Variants in MKRN1 observed in about 807,000 individuals in gnomAD.
MKRN1 encodes the protein makorin ring finger protein 1, also known as E3 ubiquitin-protein ligase makorin-1.
In MKRN1, 9 loss-of-function variants were observed where a neutral mutation model predicts 55.5. The observed-to-expected ratio is 0.16, with a 90% CI of 0.10 to 0.28. MKRN1 has a LOEUF of 0.28. Among genes scored for constraint, MKRN1 ranks in the 10% least tolerant of loss-of-function variants. The pLI, the probability that MKRN1 is intolerant of heterozygous loss-of-function variation, is 1.00. For missense variants in MKRN1, 488 were observed against 626.7 expected, an observed-to-expected ratio of 0.78 and a Z score of 2.36; for synonymous variants, 253 against 235.9, an observed-to-expected ratio of 1.07 and a Z score of -0.66.
intron 5 of MKRN1, chr7:140,456,377 C>T: frequency 2.3e-6 from 3 of 1,297,588 alleles, no homozygotes; most frequent in Non-Finnish European, 2.9e-6. Flanking sequence ...GTTCACTGAG[C>T]CTAAACTGGC....
At chr7:140,469,301 G>C (rs1266751960) in intron 2 of MKRN1, among the ~76,000 whole-genome samples, 1 of 151,798 alleles carries the variant, frequency 6.6e-6, no homozygotes, top group Non-Finnish European at 1.5e-5. Flanking sequence ...ACTCCAGCCT[G>C]GGTGACAGCG....
intron 1 of MKRN1, among the ~76,000 whole-genome samples, chr7:140,474,060 AG>A (rs1399809705): frequency 7.1e-6 from 1 of 140,156 alleles, no homozygotes; most frequent in Non-Finnish European, 1.5e-5. Flanking sequence ...AAAGAAAGAA[AG>A]AAAGAATAAA....
At chr7:140,479,105 G>A (rs1238690216) in intron 1 of MKRN1, 55 bp downstream of exon 1, 7 of 1,282,234 alleles carry the variant, frequency 5.5e-6, no homozygotes, top group Non-Finnish European at 6.9e-6. Context: ...CCGCGCCGCA[G>A]GCTTGGCCCG....
In MKRN1 at chr7:140,459,190, G is replaced by A. The variant is rs1464227654; in HGVS notation, c.588C>T (p.Thr196=). Residue 196 remains threonine, a synonymous_variant, in exon 4 of 8, where the codon ACC becomes ACT. Transcript: ENST00000255977. ...TTTGCTCTTTCTCTGATTCTTCCTTGGTCACTGAGCCCTGCAGGGGTGCTT... is the reference window on the plus strand; with the variant it reads ...TTTGCTCTTTCTCTGATTCTTCCTTAGTCACTGAGCCCTGCAGGGGTGCTT... ...CTEAPLQGSV[T]KEESEKEQTA... 6.2e-7 allele frequency: 1 copy of A among 1,613,778 alleles called. No individual in the cohort carries two copies. The highest frequency in any genetic ancestry group is 1.7e-5 in the Admixed American group (1 of 59,976).
intron 2 of MKRN1, among the ~76,000 whole-genome samples, chr7:140,466,736 G>A (rs1052382367): frequency 3.3e-5 from 5 of 151,164 alleles, no homozygotes; most frequent in East Asian, 2.0e-4. Flanking sequence ...CGTGGGAAGC[G>A]GAGCTTGCAG....
intron 2 of MKRN1, among the ~76,000 whole-genome samples, chr7:140,461,069 C>G (rs1271681488): frequency 1.3e-5 from 2 of 152,234 alleles, no homozygotes. Context: ...AGAAACCCTG[C>G]AGGCAAAACT....
intron 3 of MKRN1, 100 bp from the exon 4 acceptor site, chr7:140,459,333 T>C (rs920382248): frequency 2.8e-5 from 33 of 1,175,114 alleles, no homozygotes; most frequent in Non-Finnish European, 3.9e-5. Context: ...AAAACTGCAA[T>C]GAAATACCAA....
chr7:140,473,110 A>G (rs1039808117), intron 1 of MKRN1: 1 of 347,168 alleles, frequency 2.9e-6, no homozygotes, highest in Non-Finnish European at 5.5e-6. Context: ...AAGAAAAAGA[A>G]AAAGAAAAAG....
At chr7:140,473,436 C>CCTA (rs1428033620) in intron 1 of MKRN1, 1 of 286,504 alleles carries the variant, frequency 3.5e-6, no homozygotes, top group African/African-American at 2.3e-5. Flanking sequence ...GCCAAGTTAC[C>CCTA]CTGTAAGGGT....
chr7:140,472,703 T>C (rs900522670), intron 1 of MKRN1, among the ~76,000 whole-genome samples: 18 of 151,548 alleles, frequency 1.2e-4, no homozygotes, highest in African/African-American at 4.4e-4. Context: ...TTTTGCATTG[T>C]TACAACGAAC....
chr7:140,463,053 A>G (rs994227268), intron 2 of MKRN1, among the ~76,000 whole-genome samples: 1 of 152,278 alleles, frequency 6.6e-6, no homozygotes, highest in Non-Finnish European at 1.5e-5. Context: ...TGAGGTCAGG[A>G]GTTCGAGACC....
chr7:140,466,712 G>A (rs1387171030), intron 2 of MKRN1, among the ~76,000 whole-genome samples: 3 of 151,174 alleles, frequency 2.0e-5, no homozygotes, highest in Admixed American at 1.3e-4. Context: ...GCTGAGGCAG[G>A]AGAATGGCGT....
intron 1 of MKRN1, among the ~76,000 whole-genome samples, chr7:140,476,834 C>T (rs990065968): frequency 6.6e-6 from 1 of 151,978 alleles, no homozygotes. Flanking sequence ...AATCCCAGCA[C>T]TTTGGGAGGC....
In MKRN1 at chr7:140,476,045, C is replaced by T. The variant is rs73735281; in HGVS notation, c.185+3115G>A. On this transcript the variant is annotated intron_variant, in intron 1 of 7. Coordinates refer to ENST00000255977, the MANE Select transcript of MKRN1 (RefSeq NM_013446.4). ...AACCAGTAGGAAAATACAGGTGATTCCGAGCAATTAAAAACATTCTAATCA... is the reference window on the plus strand; with the variant it reads ...AACCAGTAGGAAAATACAGGTGATTTCGAGCAATTAAAAACATTCTAATCA... Among the ~76,000 whole-genome samples, 1,388 of 152,136 alleles carry T rather than the reference C, an allele frequency of 9.1e-3. 20 individuals are homozygous for T. The highest frequency in any genetic ancestry group is 0.03 in the African/African-American group (1,264 of 41,502).
rs920537117 is a variant in MKRN1, at chr7:140,459,625, AG to A, written c.544+81del. 25 of 1,324,726 alleles carry A rather than the reference AG, an allele frequency of 1.9e-5. No homozygotes were observed. In the African/African-American group the frequency reaches 3.7e-4, roughly 19 times the overall value. The allele number at this position is 1,324,726 out of a possible 1,614,324, so 82.1% of individuals were successfully genotyped here. ...AACTAAAAAAGGAATAGAAGCAGAA[AG>A]GGGAAAGTTGTCAAAACTAAGCAAA... On this transcript the variant is annotated intron_variant, in intron 3 of 7. Transcript: ENST00000255977.
chr7:140,454,816 CA>C, intron 7 of MKRN1, 87 bp from the exon 8 acceptor site: 1 of 1,374,522 alleles, frequency 7.3e-7, no homozygotes, highest in Non-Finnish European at 1.0e-6. Context: ...TCCAGCACAC[CA>C]GAGGGCATGA....
At chr7:140,467,186 C>A (rs1024355619) in intron 2 of MKRN1, among the ~76,000 whole-genome samples, 2 of 152,002 alleles carry the variant, frequency 1.3e-5, no homozygotes, top group Non-Finnish European at 2.9e-5. Context: ...ACAGGTCAGG[C>A]TGATATCAAA....
At chr7:140,455,353 C>A in intron 6 of MKRN1, 120 bp from the exon 7 acceptor site, 1 of 1,242,438 alleles carries the variant, frequency 8.0e-7, no homozygotes. Context: ...ACAGCCCTCC[C>A]CAAGATGTGT....
chr7:140,475,102 G>A (rs1795081927), intron 1 of MKRN1: 1 of 293,354 alleles, frequency 3.4e-6, no homozygotes, highest in African/African-American at 2.3e-5. Flanking sequence ...AGGACTTCGG[G>A]AGGCCAAGGT....
Sources: allele counts gnomAD v4.1 joint callset (sites outside exome capture counted in the v4.1 genomes callset), GRCh38; gene constraint gnomAD v4.1.1; transcripts MANE v1.5; gene names NCBI Gene and HGNC (gene_info 2026-07-23, HGNC 2026-07-21).